The following PCDHGA6 variants were observed in gnomAD, a reference collection of about 807,000 sequenced individuals.
PCDHGA6 encodes the protein protocadherin gamma subfamily A, 6.
A neutral mutation model predicts 60.6 loss-of-function variants in PCDHGA6; 41 were observed. That is an observed-to-expected ratio of 0.68 (90% CI 0.53 to 0.88). PCDHGA6 has a LOEUF of 0.88. Among genes scored for constraint, PCDHGA6 ranks in the 40% least tolerant of loss-of-function variants. PCDHGA6 has a pLI of 0.00. For synonymous variants in PCDHGA6, 594 were observed against 524.4 expected, an observed-to-expected ratio of 1.13 and a Z score of -1.81; for missense variants, 1,312 against 1,203.0, an observed-to-expected ratio of 1.09 and a Z score of -1.34.
chr5:141,433,352 T>C (rs976015031), intron 1 of PCDHGA6: 16 of 614,162 alleles, frequency 2.6e-5, no homozygotes, highest in Non-Finnish European at 3.7e-5. Flanking sequence ...AGCCACCTAC[T>C]GTCTGCCTAT....
chr5:141,408,561 T>C lies in PCDHGA6; in HGVS notation c.2424+32054T>C. On this transcript the variant is annotated intron_variant, in intron 1 of 3. Coordinates refer to ENST00000517434, the MANE Select transcript of PCDHGA6 (RefSeq NM_018919.3). ...AATCCTTTAAATATTTTTCATGTCA[T>C]TGTGGTGATTGAGGATGTTAATGAC... 6.2e-7 allele frequency: 1 copy of C among 1,613,994 alleles called. No homozygotes were observed.
intron 1 of PCDHGA6, chr5:141,426,294 CAG>C (rs555591649): frequency 1.2e-4 from 20 of 167,070 alleles, no homozygotes; most frequent in African/African-American, 4.5e-4. Context: ...GGATGGGAAA[CAG>C]GGTGAAGCAG....
intron 1 of PCDHGA6, among the ~76,000 whole-genome samples, chr5:141,379,889 CTTTTTTTTTTTTTTTTTT>C (rs70988800): frequency 3.9e-5 from 2 of 50,830 alleles, no homozygotes; most frequent in African/African-American, 6.6e-5. Context: ...GTGAAAGCCT[CTTTTTTTTTTTTTTTTTT>C]TTTTTTTTTT....
At chr5:141,411,567 G>A (rs1390794685) in intron 1 of PCDHGA6, 1 of 152,186 alleles carries the variant, frequency 6.6e-6, no homozygotes, top group Non-Finnish European at 1.5e-5. Context: ...CTGGGCGACA[G>A]AGTGCGACCC....
Position 141,431,062 on chromosome 5 carries a change from G to C in PCDHGA6, c.2424+54555G>C, listed in dbSNP as rs2097341170. On this transcript the variant is annotated intron_variant, in intron 1 of 3. Coordinates refer to ENST00000517434, the MANE Select transcript of PCDHGA6 (RefSeq NM_018919.3). This position sits in a 1 kb window ranked among gnomAD's most constrained non-coding sequence, Gnocchi z 4.8. ...AGGAGCTCTGTATGGGGGCCATCAA[G>C]TGTCAATTAAATCTAGACATTCTGA... 6.2e-7 allele frequency: 1 copy of C among 1,614,212 alleles called. No individual in the cohort carries two copies. The highest frequency in any genetic ancestry group is 1.3e-5 in the African/African-American group (1 of 75,084).
intron 1 of PCDHGA6, among the ~76,000 whole-genome samples, chr5:141,387,064 G>A (rs2090802887): frequency 6.6e-6 from 1 of 152,174 alleles, no homozygotes; most frequent in Admixed American, 6.5e-5. Context: ...ATGAGGAGAG[G>A]AGTAGGCTAC....
intron 1 of PCDHGA6, chr5:141,478,198 A>G (rs1393603398): frequency 6.2e-7 from 1 of 1,613,864 alleles, no homozygotes; most frequent in East Asian, 2.2e-5. Flanking sequence ...CCTTTTATCT[A>G]CTTCTTTCTC....
Position 141,432,016 on chromosome 5 carries a change from C to T in PCDHGA6, c.2424+55509C>T, listed in dbSNP as rs771650925. The T allele has an allele frequency of 1.2e-6, 2 of 1,614,202 alleles. No homozygotes were observed. The highest frequency in any genetic ancestry group is 3.3e-5 in the Admixed American group (2 of 60,030). On this transcript the variant is annotated intron_variant, in intron 1 of 3. Coordinates refer to ENST00000517434, the MANE Select transcript of PCDHGA6 (RefSeq NM_018919.3). This position sits in a 1 kb window ranked among gnomAD's most constrained non-coding sequence, Gnocchi z 6.0. ...ATAGGGAACAGGTTCCTAGCTACAA[C>T]ATCACAGTGACCGCCACTGACCGGG...
At chr5:141,411,578 T>C (rs892738350) in intron 1 of PCDHGA6, 10 of 152,194 alleles carry the variant, frequency 6.6e-5, no homozygotes, top group African/African-American at 2.4e-4. Flanking sequence ...AGTGCGACCC[T>C]GTCTCTAAAA....
intron 1 of PCDHGA6, among the ~76,000 whole-genome samples, chr5:141,382,119 C>T (rs919282723): frequency 2.0e-5 from 3 of 152,112 alleles, no homozygotes; most frequent in Non-Finnish European, 4.4e-5. Flanking sequence ...TGAGCAACAG[C>T]ACCTGGCCCC....
At chr5:141,433,358 C>CCTGCCTAT (rs1554125966) in intron 1 of PCDHGA6, 1 of 498,106 alleles carries the variant, frequency 2.0e-6, no homozygotes, top group Non-Finnish European at 3.5e-6. Flanking sequence ...CTACTGTCTG[C>CCTGCCTAT]CTATCTATCT....
intron 1 of PCDHGA6, among the ~76,000 whole-genome samples, chr5:141,481,259 C>T (rs1176419744): frequency 1.3e-5 from 2 of 152,146 alleles, no homozygotes; most frequent in African/African-American, 4.8e-5. Context: ...TCTAAAAGAT[C>T]ACTGTAGGAA....
intron 1 of PCDHGA6, chr5:141,390,568 C>T: frequency 2.4e-6 from 1 of 414,986 alleles, no homozygotes; most frequent in Non-Finnish European, 4.3e-6. Context: ...GTTGTTGGCT[C>T]TCTCCTAAAA....
intron 1 of PCDHGA6, chr5:141,423,769 CATAT>C (rs2096780943): frequency 8.2e-7 from 1 of 1,219,458 alleles, no homozygotes; most frequent in South Asian, 2.2e-5. Context: ...GGTGGGGCGG[CATAT>C]ATTTAGTTCA....
At position 141,477,843 on chromosome 5, in the gene PCDHGA6, C is replaced by T; in HGVS notation, c.2425-16964C>T. The T allele has an allele frequency of 6.2e-7, 1 of 1,613,408 alleles. No homozygotes were observed. Among genetic ancestry groups the T allele is most frequent in the Non-Finnish European group, 8.5e-7 (1 of 1,179,796 alleles). On this transcript the variant is annotated intron_variant, in intron 1 of 3. Coordinates refer to ENST00000517434, the MANE Select transcript of PCDHGA6 (RefSeq NM_018919.3). The surrounding 1 kb of genome is among the most constrained non-coding windows in gnomAD (Gnocchi z 4.9). Reference sequence around the variant, plus strand: ...CTATATCCTCGGCCAGGTGGGAGCTCGGTGGAGATGCTGCCTCGAGGTACC... The same window carrying T: ...CTATATCCTCGGCCAGGTGGGAGCTTGGTGGAGATGCTGCCTCGAGGTACC...
At chr5:141,406,827 A>G (rs2094856328) in intron 1 of PCDHGA6, among the ~76,000 whole-genome samples, 1 of 152,242 alleles carries the variant, frequency 6.6e-6, no homozygotes, top group South Asian at 2.1e-4. Context: ...CTAGAAATGA[A>G]CTTGCATATC....
At chr5:141,413,623 G>A (rs1454358985) in intron 1 of PCDHGA6, 2 of 1,613,752 alleles carry the variant, frequency 1.2e-6, no homozygotes, top group African/African-American at 1.3e-5. Flanking sequence ...TAATGAAAAT[G>A]TCGCTGCGGG....
At chr5:141,386,804 A>G (rs976518864) in intron 1 of PCDHGA6, among the ~76,000 whole-genome samples, 3 of 152,238 alleles carry the variant, frequency 2.0e-5, no homozygotes, top group Non-Finnish European at 2.9e-5. Context: ...AATTTATTAG[A>G]TGCATAAAAT....
At chr5:141,483,487 A>G (rs777951096) in intron 1 of PCDHGA6, among the ~76,000 whole-genome samples, 4 of 152,006 alleles carry the variant, frequency 2.6e-5, no homozygotes, top group Non-Finnish European at 5.9e-5. Context: ...AGTGAGGGAC[A>G]GGGATGAGTC....
Sources: gnomAD v4.1 joint callset for allele counts (sites outside exome capture counted in the v4.1 genomes callset) on GRCh38, gnomAD v4.1.1 for gene constraint, Gnocchi (gnomAD v3.1) non-coding constraint, MANE v1.5 for transcripts, NCBI Gene and HGNC (gene_info 2026-07-23, HGNC 2026-07-21) for gene names.